The following STK32B variants were observed in gnomAD, a reference collection of about 807,000 sequenced individuals.
STK32B encodes the protein serine/threonine-protein kinase 32B.
A neutral mutation model predicts 52.6 loss-of-function variants in STK32B; 43 were observed. The observed-to-expected ratio is 0.82, with a 90% CI of 0.64 to 1.05. The LOEUF is 1.05. Among genes scored for constraint, STK32B ranks in the 50% least tolerant of loss-of-function variants. STK32B has a pLI of 0.00. For synonymous variants in STK32B, 238 were observed against 204.3 expected (o/e 1.17, Z -1.41); for missense variants, 621 against 534.6 (o/e 1.16, Z -1.59).
chr4:5,470,399 TC>T lies in STK32B; in HGVS notation c.1106+2331del, dbSNP rs1717765983. 6.6e-6 allele frequency among the ~76,000 whole-genome samples: 1 copy of T among 152,144 alleles called. No homozygotes were observed. The highest frequency in any genetic ancestry group is 6.5e-5 in the Admixed American group (1 of 15,274). On this transcript the variant is annotated intron_variant, in intron 11 of 11. Transcript: ENST00000282908. This position sits in a 1 kb window ranked among gnomAD's most constrained non-coding sequence, Gnocchi z 4.6. ...AAGAAAGAGGGCAGACGTCATGTGT[TC>T]CTGACAATGGGGAGCCACAGAGAGC...
intron 1 of STK32B, among the ~76,000 whole-genome samples, chr4:5,062,966 A>G (rs758721669): frequency 2.0e-5 from 3 of 152,174 alleles, no homozygotes; most frequent in Non-Finnish European, 4.4e-5. Context: ...TTCAGTTACT[A>G]TAGTGTAACT....
At chr4:5,061,153 A>T (rs1174525366) in intron 1 of STK32B, among the ~76,000 whole-genome samples, 2 of 152,228 alleles carry the variant, frequency 1.3e-5, no homozygotes, top group Non-Finnish European at 2.9e-5. Flanking sequence ...ACTATGCCCC[A>T]TCTGGCTTTG....
the STK32B span, among the ~76,000 whole-genome samples, chr4:5,024,956 C>T: frequency 6.6e-6 from 1 of 152,156 alleles, no homozygotes. Context: ...GCTTTGCATG[C>T]AATCTCTGAA....
chr4:5,231,342 G>C (rs556990737), intron 3 of STK32B, among the ~76,000 whole-genome samples: 83 of 152,298 alleles, frequency 5.4e-4, no homozygotes, highest in African/African-American at 1.9e-3. Flanking sequence ...CGGGTGCAGT[G>C]GCTCACACCT....
chr4:5,173,896 C>T (rs1297454760), intron 3 of STK32B, among the ~76,000 whole-genome samples: 3 of 152,166 alleles, frequency 2.0e-5, no homozygotes, highest in Non-Finnish European at 4.4e-5. Context: ...CTAATGTTGA[C>T]AGTGGGATGT....
chr4:5,073,294 G>T (rs1711885043), intron 1 of STK32B, among the ~76,000 whole-genome samples: 1 of 151,270 alleles, frequency 6.6e-6, no homozygotes, highest in African/African-American at 2.4e-5. Flanking sequence ...CACAACTATT[G>T]GCTTTTAAAC....
intron 9 of STK32B, among the ~76,000 whole-genome samples, chr4:5,463,815 A>T (rs1293678832): frequency 6.6e-6 from 1 of 152,126 alleles, no homozygotes; most frequent in Non-Finnish European, 1.5e-5. Context: ...CCTTGTCCAC[A>T]AGGCAGTCTC....
intron 3 of STK32B, among the ~76,000 whole-genome samples, chr4:5,323,154 G>C (rs1408969036): frequency 6.6e-6 from 1 of 152,150 alleles, no homozygotes; most frequent in Non-Finnish European, 1.5e-5. Flanking sequence ...GAGTCTGACA[G>C]GTGGAGGTGG....
intron 1 of STK32B, among the ~76,000 whole-genome samples, chr4:5,123,997 T>C (rs1374621): frequency 0.79 from 120,137 of 152,050 alleles, 50,581 homozygotes; most frequent in Non-Finnish European, 0.95. Context: ...CATTTACTTT[T>C]CACAACACAC....
chr4:5,380,542 T>C lies in STK32B; in HGVS notation c.435-17665T>C, dbSNP rs1309896015. On this transcript the variant is annotated intron_variant, in intron 4 of 11. Transcript: ENST00000282908. This position sits in a 1 kb window ranked among gnomAD's most constrained non-coding sequence, Gnocchi z 4.3. ...CAGCAACTTCTTGCTAAGCCCCTGA[T>C]GGTGTGCAAAGCAGGAAGTGCAAGT... 6.6e-6 allele frequency among the ~76,000 whole-genome samples: 1 copy of C among 152,168 alleles called. No homozygotes were observed. Among genetic ancestry groups the C allele is most frequent in the Non-Finnish European group, 1.5e-5 (1 of 68,028 alleles).
intron 7 of STK32B, among the ~76,000 whole-genome samples, chr4:5,450,011 C>CG: frequency 6.6e-6 from 1 of 152,224 alleles, no homozygotes. Context: ...AAACCATCCC[C>CG]GCAACCCTAG....
chr4:5,277,711 G>C (rs2108866184), intron 3 of STK32B, among the ~76,000 whole-genome samples: 1 of 152,292 alleles, frequency 6.6e-6, no homozygotes. Flanking sequence ...TTTTCATAGT[G>C]TTCAGATTGC....
At chr4:5,363,983 A>G (rs1214958312) in intron 4 of STK32B, among the ~76,000 whole-genome samples, 5 of 152,182 alleles carry the variant, frequency 3.3e-5, no homozygotes, top group Non-Finnish European at 7.3e-5. Context: ...CAATATTTAC[A>G]TAAACTAATG....
chr4:5,416,778 C>A, intron 5 of STK32B, 67 bp from the exon 6 acceptor site: 1 of 1,424,392 alleles, frequency 7.0e-7, no homozygotes. Flanking sequence ...CCTTGCAAAC[C>A]ACAGCTTTAA....
chr4:5,184,045 C>T (rs1003818967), intron 3 of STK32B, among the ~76,000 whole-genome samples: 5 of 152,196 alleles, frequency 3.3e-5, no homozygotes, highest in African/African-American at 1.2e-4. Flanking sequence ...ACTGGAGTAG[C>T]ACTTTTAAGT....
At chr4:5,481,352 C>G (rs1041106338) in intron 11 of STK32B, among the ~76,000 whole-genome samples, 5 of 152,176 alleles carry the variant, frequency 3.3e-5, no homozygotes, top group Non-Finnish European at 7.3e-5. Flanking sequence ...AGCATTTTTT[C>G]ATGTGTCTTT....
chr4:5,344,045 G>A (rs1214736843), intron 4 of STK32B, among the ~76,000 whole-genome samples: 1 of 152,212 alleles, frequency 6.6e-6, no homozygotes, highest in African/African-American at 2.4e-5. Flanking sequence ...TCCATAGGCA[G>A]TGCTGTTGGA....
At chr4:5,176,501 T>C (rs1191327754) in intron 3 of STK32B, among the ~76,000 whole-genome samples, 1 of 145,520 alleles carries the variant, frequency 6.9e-6, no homozygotes, top group East Asian at 2.1e-4. Context: ...TGGAGTGCAA[T>C]GGTGCAATCT....
chr4:5,311,479 A>T (rs1730285601), intron 3 of STK32B, among the ~76,000 whole-genome samples: 1 of 152,180 alleles, frequency 6.6e-6, no homozygotes, highest in Non-Finnish European at 1.5e-5. Flanking sequence ...CAGTAGAGAA[A>T]ATCAATGAAA....
Sources: gnomAD v4.1 joint callset for allele counts (sites outside exome capture counted in the v4.1 genomes callset) on GRCh38, gnomAD v4.1.1 for gene constraint, Gnocchi (gnomAD v3.1) non-coding constraint, MANE v1.5 for transcripts, NCBI Gene and HGNC (gene_info 2026-07-23, HGNC 2026-07-21) for gene names.